ACSM6: variants seen among roughly 807,000 people sequenced by gnomAD.
ACSM6 encodes acyl-coenzyme A synthetase ACSM6, mitochondrial.
Under a neutral mutation model 51.1 loss-of-function variants are expected in ACSM6, and 35 were observed. The ratio of observed to expected loss-of-function variants is 0.69; its 90% CI spans 0.52 to 0.91. ACSM6 has a LOEUF of 0.91. ACSM6 is among the 40% of genes least tolerant of loss of function. The pLI, the probability that ACSM6 is intolerant of heterozygous loss-of-function variation, is 0.00. For missense variants in ACSM6, 509 were observed against 584.1 expected (o/e 0.87, Z 1.32); for synonymous variants, 172 against 207.3 (o/e 0.83, Z 1.46).
At chr10:95,224,096 T>A (rs2035017513) in intron 9 of ACSM6, among the ~76,000 whole-genome samples, 1 of 152,192 alleles carries the variant, frequency 6.6e-6, no homozygotes, top group Non-Finnish European at 1.5e-5. Context: ...TCTAGATAAT[T>A]CATCTAATTT....
At chr10:95,204,554 T>C (rs568572306) in intron 3 of ACSM6, among the ~76,000 whole-genome samples, 2 of 152,082 alleles carry the variant, frequency 1.3e-5, no homozygotes, top group South Asian at 4.2e-4. Flanking sequence ...ACTCTGTCTA[T>C]TTAAAAAAAT....
chr10:95,215,073 C>A, intron 8 of ACSM6, 98 bp downstream of exon 8: 1 of 1,369,738 alleles, frequency 7.3e-7, no homozygotes, highest in Non-Finnish European at 9.9e-7. Context: ...TAGAAATGCA[C>A]AACTGGATCT....
intron 8 of ACSM6, 51 bp from the exon 9 acceptor site, chr10:95,219,840 A>C: frequency 7.3e-7 from 1 of 1,375,642 alleles, no homozygotes; most frequent in Non-Finnish European, 1.0e-6. Flanking sequence ...AACTAGATCC[A>C]TTAATTTATT....
intron 10 of ACSM6, among the ~76,000 whole-genome samples, chr10:95,227,143 C>G (rs973788301): frequency 1.2e-4 from 19 of 152,066 alleles, no homozygotes; most frequent in African/African-American, 4.6e-4. Context: ...CTCACCACCA[C>G]GCCTAGCTAA....
chr10:95,222,521 G>T (rs1468664507), intron 9 of ACSM6, among the ~76,000 whole-genome samples: 4 of 152,028 alleles, frequency 2.6e-5, no homozygotes, highest in South Asian at 2.1e-4. Context: ...TACTCAGGAG[G>T]CTGAGGCAGG....
intron 2 of ACSM6, among the ~76,000 whole-genome samples, chr10:95,198,109 C>T (rs953402775): frequency 6.6e-6 from 1 of 152,216 alleles, no homozygotes; most frequent in African/African-American, 2.4e-5. Context: ...AAATTAACAA[C>T]ATCTCAGCAA....
chr10:95,204,389 T>TA (rs777167550), intron 3 of ACSM6, among the ~76,000 whole-genome samples: 18 of 151,780 alleles, frequency 1.2e-4, no homozygotes, highest in Middle Eastern at 3.2e-3. Flanking sequence ...CCGTCTCTAC[T>TA]AAAAAAATAC....
chr10:95,196,888 T>G (rs2034729542), intron 2 of ACSM6, among the ~76,000 whole-genome samples: 1 of 152,234 alleles, frequency 6.6e-6, no homozygotes, highest in South Asian at 2.1e-4. Context: ...ATGTATTTAT[T>G]CTTTATTGTT....
chr10:95,200,587 AAAG>A (rs960056800), intron 2 of ACSM6, among the ~76,000 whole-genome samples: 13 of 126,954 alleles, frequency 1.0e-4, no homozygotes, highest in East Asian at 3.9e-4. Flanking sequence ...GAAGATGAAG[AAAG>A]AAGAAGAAGA....
At chr10:95,217,528 G>A (rs1480285790) in intron 8 of ACSM6, among the ~76,000 whole-genome samples, 1 of 152,030 alleles carries the variant, frequency 6.6e-6, no homozygotes, top group Non-Finnish European at 1.5e-5. Context: ...AGAATTTGTG[G>A]TGGGGGGCAG....
At position 95,194,306 on chromosome 10, in the gene ACSM6, A is replaced by C; in HGVS notation, c.-22+3A>C. The C allele has an allele frequency of 1.8e-6, 1 of 556,900 alleles. No individual in the cohort carries two copies. The highest frequency in any genetic ancestry group is 3.1e-6 in the Non-Finnish European group (1 of 323,452). 34.5% of individuals were successfully genotyped at this position (556,900 alleles called of 1,614,324 possible). The stretch of plus-strand genomic sequence containing the variant: ...CATAGAAACTCCTCTTGGAATTGGT[A>C]AGTATCTGTGCTCATGGGCTTCTTC... On this transcript the variant is annotated splice_donor_region_variant and intron_variant, in intron 1 of 10. Transcript: ENST00000341686.
chr10:95,207,209 A>T (rs1275374258), exon 4 of ACSM6: 1 of 1,613,908 alleles, frequency 6.2e-7, no homozygotes, highest in Non-Finnish European at 8.5e-7. Context: ...TTTTTTCAGG[A>T]ATCACCTTTG....
At chr10:95,212,769 C>T in intron 6 of ACSM6, 89 bp from the exon 7 acceptor site, 1 of 1,038,436 alleles carries the variant, frequency 9.6e-7, no homozygotes, top group Non-Finnish European at 1.5e-6. Flanking sequence ...ACCCTCTTCC[C>T]TGGACTTTCC....
chr10:95,205,826 C>T (rs577788377), intron 3 of ACSM6, among the ~76,000 whole-genome samples: 19 of 152,174 alleles, frequency 1.2e-4, no homozygotes, highest in South Asian at 2.1e-4. Context: ...CACAATTGCA[C>T]GGTTTCATAT....
chr10:95,220,476 G>A (rs1280976938), intron 9 of ACSM6, among the ~76,000 whole-genome samples: 2 of 152,142 alleles, frequency 1.3e-5, no homozygotes, highest in Non-Finnish European at 2.9e-5. Context: ...CAAATGCTGT[G>A]TCTAGGATTT....
intron 6 of ACSM6, among the ~76,000 whole-genome samples, 170 bp from the exon 7 acceptor site, chr10:95,212,688 G>A (rs1401565374): frequency 6.6e-6 from 1 of 152,134 alleles, no homozygotes; most frequent in Non-Finnish European, 1.5e-5. Flanking sequence ...TCTCTCCCAA[G>A]GTGTGGAAGG....
At chr10:95,228,420 C>T (rs1300456845) in intron 10 of ACSM6, 1 of 460,570 alleles carries the variant, frequency 2.2e-6, no homozygotes, top group Admixed American at 4.0e-5. Flanking sequence ...CATCATTACT[C>T]TTGTTTCTAG....
At chr10:95,200,254 A>C (rs7087258) in intron 2 of ACSM6, among the ~76,000 whole-genome samples, 5 of 150,088 alleles carry the variant, frequency 3.3e-5, no homozygotes, top group African/African-American at 9.8e-5. Flanking sequence ...AGGACAAAAA[A>C]CCAAACACCA....
chr10:95,195,522 C>G (rs758152458), intron 2 of ACSM6, among the ~76,000 whole-genome samples: 1 of 152,164 alleles, frequency 6.6e-6, no homozygotes, highest in East Asian at 1.9e-4. Flanking sequence ...GACTTGCTTA[C>G]TCTCTGGCTA....
Sources: gnomAD v4.1 joint callset for allele counts (sites outside exome capture counted in the v4.1 genomes callset) on GRCh38, gnomAD v4.1.1 for gene constraint, MANE v1.5 for transcripts, NCBI Gene and HGNC (gene_info 2026-07-23, HGNC 2026-07-21) for gene names.